ADAM19: variants seen among roughly 807,000 people sequenced by gnomAD.
ADAM19 encodes the protein disintegrin and metalloproteinase domain-containing protein 19.
Under a neutral mutation model 114.7 loss-of-function variants are expected in ADAM19, and 65 were observed. The observed-to-expected ratio is 0.57, with a 90% CI of 0.46 to 0.70. The LOEUF is 0.70. ADAM19 is among the 30% of genes least tolerant of loss of function. ADAM19 has a pLI of 0.00. For synonymous variants in ADAM19, 466 were observed against 460.5 expected, an observed-to-expected ratio of 1.01 and a Z score of -0.15; for missense variants, 1,063 against 1,204.7, an observed-to-expected ratio of 0.88 and a Z score of 1.74.
rs187550183 is a variant in ADAM19, at chr5:157,547,316, G to A, written c.252-9325C>T. Among the ~76,000 whole-genome samples the A allele has an allele frequency of 8.2e-3, 1,244 of 152,324 alleles. 3 individuals are homozygous for A. The highest frequency in any genetic ancestry group is 0.018 in the South Asian group (86 of 4,830). On this transcript the variant is annotated intron_variant, in intron 3 of 22. Coordinates refer to ENST00000257527, the MANE Select transcript of ADAM19 (RefSeq NM_033274.5). ...ACAGACACCACCATTGCTGTGGTTT[G>A]AATGTATCCCCGCAAAAGCCTGTGT... is the stretch of plus-strand genomic sequence containing the variant.
chr5:157,565,519 G>T (rs1262570030), intron 2 of ADAM19, among the ~76,000 whole-genome samples: 1 of 150,530 alleles, frequency 6.6e-6, no homozygotes, highest in Admixed American at 6.6e-5. Flanking sequence ...GACCAGCCTG[G>T]CCAACACGGT....
At chr5:157,487,929 G>A (rs766818071) in intron 21 of ADAM19, among the ~76,000 whole-genome samples, 20 of 152,124 alleles carry the variant, frequency 1.3e-4, no homozygotes, top group Non-Finnish European at 2.2e-4. Flanking sequence ...GAGAAGGAGC[G>A]TATCAGGCAG....
chr5:157,557,323 C>G (rs890179911), intron 3 of ADAM19, among the ~76,000 whole-genome samples: 2 of 152,182 alleles, frequency 1.3e-5, no homozygotes, highest in Non-Finnish European at 2.9e-5. Flanking sequence ...TCTCTGGGAC[C>G]AAAGTCCAAA....
At chr5:157,488,969 G>A in intron 20 of ADAM19, 133 bp downstream of exon 20, 1 of 669,710 alleles carries the variant, frequency 1.5e-6, no homozygotes, top group South Asian at 1.7e-5. Flanking sequence ...GGCGGAGCTT[G>A]CAGTGAGCTG....
intron 11 of ADAM19, 65 bp downstream of exon 11, chr5:157,505,604 C>G: frequency 6.5e-7 from 1 of 1,543,458 alleles, no homozygotes; most frequent in Non-Finnish European, 8.8e-7. Flanking sequence ...GGGAGGAACC[C>G]CTGGGTCACA....
At chr5:157,525,436 T>C (rs928159168) in intron 5 of ADAM19, among the ~76,000 whole-genome samples, 1 of 152,106 alleles carries the variant, frequency 6.6e-6, no homozygotes, top group Non-Finnish European at 1.5e-5. Flanking sequence ...CTACTCTTGT[T>C]TTACAGAAAA....
rs571857502 is a variant in ADAM19, at chr5:157,560,223, C to T, written c.251+4150G>A. Among the ~76,000 whole-genome samples the T allele has an allele frequency of 6.9e-5, 10 of 145,512 alleles. No homozygotes were observed. The South Asian group carries it at 2.0e-3, about 29-fold the overall frequency. On this transcript the variant is annotated intron_variant, in intron 3 of 22. Coordinates refer to ENST00000257527, the MANE Select transcript of ADAM19 (RefSeq NM_033274.5). The stretch of plus-strand genomic sequence containing the variant: ...GAGCTTGCAGTGAGCCGAGATCCCG[C>T]CACTGCACTCCAGCCTGGGCGACAG...
intron 3 of ADAM19, among the ~76,000 whole-genome samples, chr5:157,554,799 T>G (rs754656422): frequency 6.6e-6 from 1 of 152,204 alleles, no homozygotes; most frequent in Non-Finnish European, 1.5e-5. Context: ...ACACATCCTA[T>G]GAGGTTATTA....
chr5:157,482,968 A>C (rs1330061544), intron 21 of ADAM19, among the ~76,000 whole-genome samples: 1 of 152,110 alleles, frequency 6.6e-6, no homozygotes, highest in Admixed American at 6.5e-5. Flanking sequence ...AGAAAACCAA[A>C]CACCACATGT....
chr5:157,495,875 C>T (rs894461375), intron 14 of ADAM19, among the ~76,000 whole-genome samples: 1 of 151,382 alleles, frequency 6.6e-6, no homozygotes, highest in African/African-American at 2.4e-5. Flanking sequence ...CTCAGGTGAT[C>T]CACCTGCCTT....
intron 3 of ADAM19, among the ~76,000 whole-genome samples, chr5:157,561,880 C>T (rs1757518659): frequency 6.6e-6 from 1 of 151,824 alleles, no homozygotes; most frequent in Non-Finnish European, 1.5e-5. Flanking sequence ...CAGCTTTATC[C>T]CCAGTACCTG....
chr5:157,537,786 T>G, intron 4 of ADAM19, 127 bp downstream of exon 4: 2 of 777,114 alleles, frequency 2.6e-6, no homozygotes, highest in East Asian at 5.2e-5. Context: ...TTTGCTCCCT[T>G]GGTCTTCGCT....
At chr5:157,507,961 T>C (rs1000023822) in intron 9 of ADAM19, among the ~76,000 whole-genome samples, 8 of 152,254 alleles carry the variant, frequency 5.3e-5, no homozygotes, top group Non-Finnish European at 1.0e-4. Flanking sequence ...CATGATATCT[T>C]TGACAGCAAG....
At chr5:157,561,870 C>T (rs1757518299) in intron 3 of ADAM19, among the ~76,000 whole-genome samples, 2 of 151,678 alleles carry the variant, frequency 1.3e-5, no homozygotes, top group Non-Finnish European at 1.5e-5. Context: ...GTTTTATTCA[C>T]AGCTTTATCC....
chr5:157,544,229 C>T (rs1351238870), intron 3 of ADAM19, among the ~76,000 whole-genome samples: 1 of 152,214 alleles, frequency 6.6e-6, no homozygotes, highest in Non-Finnish European at 1.5e-5. Context: ...AGAGGACCAG[C>T]TTTGGAAGCA....
intron 9 of ADAM19, among the ~76,000 whole-genome samples, chr5:157,508,597 CAAAAAAGAAAAAA>C (rs1336354674): frequency 7.0e-6 from 1 of 142,900 alleles, no homozygotes; most frequent in Non-Finnish European, 1.5e-5. Flanking sequence ...GAAACTGTCT[CAAAAAAGAAAAAA>C]AAAAAAGAAA....
At chr5:157,533,780 C>T (rs1561546551) in intron 4 of ADAM19, among the ~76,000 whole-genome samples, 1 of 151,978 alleles carries the variant, frequency 6.6e-6, no homozygotes, top group Admixed American at 6.6e-5. Flanking sequence ...TCCTGGCCAA[C>T]AACACGGTGA....
In ADAM19 at chr5:157,478,877, G is replaced by A. The variant is rs973732104; in HGVS notation, c.*2072C>T. The A allele has an allele frequency of 1.1e-5, 11 of 985,632 alleles. No individual in the cohort carries two copies. The highest frequency in any genetic ancestry group is 1.1e-4 in the East Asian group (1 of 8,830). 61.1% of individuals were successfully genotyped at this position (985,632 alleles called of 1,614,324 possible). A position where few individuals can be genotyped will look rare whatever the true frequency, so the allele number is the denominator to read the frequency against. ...CTCATGCAGTCACTATGGCTGTGGC[G>A]CTGTCATTTCAGAGCTATCTACCTC... On this transcript the variant is annotated 3_prime_UTR_variant, in exon 23 of 23. Transcript: ENST00000257527.
At chr5:157,495,928 CCAGT>C (rs1755347645) in intron 14 of ADAM19, among the ~76,000 whole-genome samples, 2 of 145,576 alleles carry the variant, frequency 1.4e-5, no homozygotes, top group African/African-American at 5.0e-5. Flanking sequence ...GCCACTGTGC[CCAGT>C]CTTTTTTTTT....
Sources: gnomAD v4.1 joint callset for allele counts (sites outside exome capture counted in the v4.1 genomes callset) on GRCh38, gnomAD v4.1.1 for gene constraint, MANE v1.5 for transcripts, NCBI Gene and HGNC (gene_info 2026-07-23, HGNC 2026-07-21) for gene names.